The following RSRC1 variants were observed in gnomAD, a reference collection of about 807,000 sequenced individuals.
RSRC1 encodes the protein arginine and serine rich coiled-coil 1, also known as serine/Arginine-related protein 53.
Under a neutral mutation model 49.1 loss-of-function variants are expected in RSRC1, and 39 were observed. That is an observed-to-expected ratio of 0.79 (90% CI 0.61 to 1.04). RSRC1 has a LOEUF of 1.04. Among genes scored for constraint, RSRC1 ranks in the 50% least tolerant of loss-of-function variants. RSRC1 has a pLI of 0.00. For synonymous variants in RSRC1, 143 were observed against 130.8 expected (o/e 1.09, Z -0.63); for missense variants, 388 against 402.4 (o/e 0.96, Z 0.31).
chr3:158,280,064 G>A (rs1353581535), intron 4 of RSRC1, among the ~76,000 whole-genome samples: 2 of 152,150 alleles, frequency 1.3e-5, no homozygotes, highest in Non-Finnish European at 2.9e-5. Flanking sequence ...CACTATCACA[G>A]AGAATAATCT....
At chr3:158,418,940 A>G (rs1296217195) in intron 6 of RSRC1, among the ~76,000 whole-genome samples, 2 of 151,994 alleles carry the variant, frequency 1.3e-5, no homozygotes, top group African/African-American at 4.8e-5. Context: ...CATGAAAACT[A>G]TTCAACGCTT....
chr3:158,394,611 C>T (rs529858727), intron 6 of RSRC1, among the ~76,000 whole-genome samples: 1 of 152,082 alleles, frequency 6.6e-6, no homozygotes, highest in Non-Finnish European at 1.5e-5. Flanking sequence ...GAATAAAATA[C>T]CTATGAATGC....
chr3:158,492,798 A>G (rs979876209), intron 7 of RSRC1, among the ~76,000 whole-genome samples: 2 of 152,214 alleles, frequency 1.3e-5, no homozygotes, highest in African/African-American at 4.8e-5. Context: ...TGCTGTCTTT[A>G]CAACTAAGAA....
intron 6 of RSRC1, among the ~76,000 whole-genome samples, chr3:158,433,892 A>G (rs1735905480): frequency 6.6e-6 from 1 of 152,010 alleles, no homozygotes; most frequent in Non-Finnish European, 1.5e-5. Flanking sequence ...TTTGACCCCT[A>G]TTAAAGCAGA....
intron 6 of RSRC1, among the ~76,000 whole-genome samples, chr3:158,386,525 T>C (rs976613126): frequency 3.2e-4 from 48 of 152,166 alleles, no homozygotes; most frequent in African/African-American, 1.1e-3. Context: ...ACGTAGGTCT[T>C]GTAGTGAGAT....
At chr3:158,381,243 A>T (rs1172921825) in intron 6 of RSRC1, among the ~76,000 whole-genome samples, 1 of 151,852 alleles carries the variant, frequency 6.6e-6, no homozygotes, top group Non-Finnish European at 1.5e-5. Flanking sequence ...TTGTTCAATC[A>T]TAACTGCACA....
At chr3:158,439,002 A>G (rs79694683) in intron 6 of RSRC1, among the ~76,000 whole-genome samples, 11,164 of 152,262 alleles carry the variant, frequency 0.073, 484 homozygotes, top group South Asian at 0.13. Flanking sequence ...AAGTGGGCGA[A>G]GGATATGAAG....
intron 5 of RSRC1, among the ~76,000 whole-genome samples, chr3:158,310,515 A>C (rs1195182517): frequency 6.6e-6 from 1 of 151,828 alleles, no homozygotes. Flanking sequence ...TCTTGATTAC[A>C]TAGCTTTTGT....
At chr3:158,263,793 A>G (rs1327718261) in intron 4 of RSRC1, among the ~76,000 whole-genome samples, 2 of 152,108 alleles carry the variant, frequency 1.3e-5, no homozygotes, top group Non-Finnish European at 2.9e-5. Flanking sequence ...GAGTTGGTTC[A>G]TGTTACCTAA....
intron 3 of RSRC1, among the ~76,000 whole-genome samples, chr3:158,128,084 A>G (rs1037831962): frequency 6.6e-6 from 1 of 152,092 alleles, no homozygotes; most frequent in Non-Finnish European, 1.5e-5. Flanking sequence ...TGCCATAGCA[A>G]TCTGTTTCTG....
intron 6 of RSRC1, among the ~76,000 whole-genome samples, chr3:158,392,296 G>A (rs1429186988): frequency 6.6e-6 from 1 of 152,074 alleles, no homozygotes; most frequent in Non-Finnish European, 1.5e-5. Flanking sequence ...TATTCTGTAT[G>A]TGCTAAAGAG....
At chr3:158,421,327 A>G (rs1471203710) in intron 6 of RSRC1, among the ~76,000 whole-genome samples, 1 of 151,900 alleles carries the variant, frequency 6.6e-6, no homozygotes, top group Non-Finnish European at 1.5e-5. Flanking sequence ...GTCAAAAACT[A>G]TTGTAGGTTG....
At chr3:158,264,160 G>A (rs1008200861) in intron 4 of RSRC1, among the ~76,000 whole-genome samples, 1 of 152,044 alleles carries the variant, frequency 6.6e-6, no homozygotes, top group South Asian at 2.1e-4. Flanking sequence ...CTTTTCTCAT[G>A]TAGGCGTTTA....
chr3:158,468,620 C>T (rs1737992899), intron 7 of RSRC1, among the ~76,000 whole-genome samples: 1 of 152,124 alleles, frequency 6.6e-6, no homozygotes, highest in Non-Finnish European at 1.5e-5. Flanking sequence ...AATATTTGCT[C>T]ACTGGAGTGA....
chr3:158,419,389 G>T (rs1734919325), intron 6 of RSRC1, among the ~76,000 whole-genome samples: 1 of 151,808 alleles, frequency 6.6e-6, no homozygotes, highest in South Asian at 2.1e-4. Context: ...GGCCATTTGT[G>T]GGGATAACTG....
chr3:158,237,052 AT>A (rs761677373), intron 4 of RSRC1, among the ~76,000 whole-genome samples: 19 of 152,162 alleles, frequency 1.2e-4, no homozygotes, highest in Admixed American at 6.6e-5. Flanking sequence ...TTGAAACAAC[AT>A]TATGTGTCAA....
chr3:158,520,861 A>G (rs1007488924), intron 7 of RSRC1, among the ~76,000 whole-genome samples: 13 of 152,150 alleles, frequency 8.5e-5, no homozygotes, highest in Admixed American at 8.5e-4. Context: ...TTTATTTATA[A>G]TCAGTCTTAG....
At chr3:158,145,863 G>A (rs1717066262) in intron 3 of RSRC1, among the ~76,000 whole-genome samples, 1 of 152,132 alleles carries the variant, frequency 6.6e-6, no homozygotes, top group East Asian at 1.9e-4. Flanking sequence ...TTGTAAGTTG[G>A]ATTCCTAGGT....
chr3:158,141,459 A>T (rs1017831535), intron 3 of RSRC1, among the ~76,000 whole-genome samples: 22 of 152,232 alleles, frequency 1.4e-4, no homozygotes, highest in Non-Finnish European at 2.9e-4. Flanking sequence ...GGTTAAGGAC[A>T]CATTTATGCT....
Sources: allele counts gnomAD v4.1 joint callset (sites outside exome capture counted in the v4.1 genomes callset), GRCh38; gene constraint gnomAD v4.1.1; transcripts MANE v1.5; gene names NCBI Gene and HGNC (gene_info 2026-07-23, HGNC 2026-07-21).